PIP5K1B: variants seen among roughly 807,000 people sequenced by gnomAD.
PIP5K1B encodes the protein phosphatidylinositol 4-phosphate 5-kinase type-1 beta.
PIP5K1B carries 42 observed loss-of-function variants against 67.0 expected under a neutral mutation model. The ratio of observed to expected loss-of-function variants is 0.63; its 90% confidence interval spans 0.49 to 0.81. The LOEUF (loss-of-function observed/expected upper bound fraction) is 0.81, where lower values mean the gene tolerates loss of function less well. PIP5K1B is among the 30% of genes least tolerant of loss of function. PIP5K1B has a pLI of 0.00. For synonymous variants in PIP5K1B, 214 were observed against 231.4 expected, an observed-to-expected ratio of 0.92 and a Z score of 0.68; for missense variants, 459 against 646.3, an observed-to-expected ratio of 0.71 and a Z score of 3.14.
chr9:68,767,826 G>A (rs1308440205), intron 2 of PIP5K1B, among the ~76,000 whole-genome samples: 2 of 151,966 alleles, frequency 1.3e-5, no homozygotes, highest in Non-Finnish European at 2.9e-5. Flanking sequence ...GACTGTTTAA[G>A]TTTGTCAAAA....
chr9:68,828,509 A>G (rs892300904), intron 4 of PIP5K1B, among the ~76,000 whole-genome samples: 2 of 152,162 alleles, frequency 1.3e-5, no homozygotes, highest in African/African-American at 4.8e-5. Flanking sequence ...GCTTCATTCC[A>G]GTGTCTGAGA....
chr9:68,714,020 A>T (rs918713738), intron 1 of PIP5K1B, among the ~76,000 whole-genome samples: 3 of 152,254 alleles, frequency 2.0e-5, no homozygotes, highest in Admixed American at 2.0e-4. Flanking sequence ...CTGACTATGA[A>T]GCCCATACTC....
In PIP5K1B at chr9:68,719,274, TTGA is replaced by T. The variant is rs770700011; in HGVS notation, c.-243+13516_-243+13518del. On this transcript the variant is annotated intron_variant, in intron 1 of 15. Coordinates refer to ENST00000265382, the MANE Select transcript of PIP5K1B (RefSeq NM_003558.4). ...TCATTTAAGTTAAACATAGTGGCAA[TTGA>T]TGAGTATTTTGGTAACAGCTTTATT... 1.7e-4 allele frequency among the ~76,000 whole-genome samples: 26 copies of T among 152,220 alleles called. 1 individual carries two copies. The South Asian group carries it at 1.9e-3, about 11-fold the overall frequency.
intron 1 of PIP5K1B, among the ~76,000 whole-genome samples, chr9:68,733,928 G>C (rs1462181411): frequency 6.6e-6 from 1 of 152,016 alleles, no homozygotes; most frequent in Non-Finnish European, 1.5e-5. Flanking sequence ...GTGAGCCACT[G>C]TGCCCGGCAA....
At chr9:68,894,660 G>C (rs369838421) in intron 8 of PIP5K1B, 22 bp downstream of exon 8, 2 of 1,605,696 alleles carry the variant, frequency 1.2e-6, no homozygotes, top group Non-Finnish European at 1.7e-6. Context: ...TGATTGTTGT[G>C]ATTTCCTTTG....
intron 1 of PIP5K1B, among the ~76,000 whole-genome samples, chr9:68,712,386 C>G (rs1244342106): frequency 6.6e-6 from 1 of 152,190 alleles, no homozygotes; most frequent in Admixed American, 6.5e-5. Flanking sequence ...TTAGGTATTC[C>G]TTTATGGCAA....
chr9:68,786,981 T>A lies in PIP5K1B; in HGVS notation c.-85-31480T>A, dbSNP rs551735372. On this transcript the variant is annotated intron_variant, in intron 2 of 15. Transcript: ENST00000265382. The stretch of plus-strand genomic sequence containing the variant: ...GCAGATGTGAGATCACTCACAGCCA[T>A]GTCTACCTTCATGGAAAATGAGTCG... Among the ~76,000 whole-genome samples the A allele has an allele frequency of 3.3e-5, 5 of 152,320 alleles. No homozygotes were observed. In the South Asian group the frequency reaches 6.2e-4, roughly 19 times the overall value.
intron 15 of PIP5K1B, among the ~76,000 whole-genome samples, chr9:69,001,059 C>T (rs913654223): frequency 2.6e-5 from 4 of 151,900 alleles, no homozygotes; most frequent in African/African-American, 7.3e-5. Flanking sequence ...CCACCACACC[C>T]GGCTAATTTT....
chr9:68,933,228 T>C (rs970987859), intron 12 of PIP5K1B, among the ~76,000 whole-genome samples: 4 of 152,072 alleles, frequency 2.6e-5, no homozygotes, highest in Non-Finnish European at 5.9e-5. Context: ...CCTTGGCACA[T>C]GTATACCTAT....
rs148294739 is a variant in PIP5K1B, at chr9:68,932,745, TCTGAAAGGGTCTCAGAG to T, written c.1202-2144_1202-2128del. ...AAAATAATTTTAACATCACAGATCT[TCTGAAAGGGTCTCAGAG>T]ACCCCTTAGTTTCCACCCCACATCT... On this transcript the variant is annotated intron_variant, in intron 12 of 15. Coordinates refer to ENST00000265382, the MANE Select transcript of PIP5K1B (RefSeq NM_003558.4). Among the ~76,000 whole-genome samples, 774 of 152,276 alleles carry T rather than the reference TCTGAAAGGGTCTCAGAG, an allele frequency of 5.1e-3. 8 individuals are homozygous for T. Among genetic ancestry groups the T allele is most frequent in the African/African-American group, 0.017 (727 of 41,562 alleles).
chr9:68,901,460 T>A (rs1825348438), intron 8 of PIP5K1B, among the ~76,000 whole-genome samples: 1 of 152,146 alleles, frequency 6.6e-6, no homozygotes. Flanking sequence ...GGTTTCACCA[T>A]GTTGGCCAGG....
At chr9:68,918,991 C>T (rs957345792) in intron 9 of PIP5K1B, among the ~76,000 whole-genome samples, 2 of 152,002 alleles carry the variant, frequency 1.3e-5, no homozygotes, top group Admixed American at 6.6e-5. Flanking sequence ...ACTAGAAAAG[C>T]ATACCAGATA....
chr9:68,993,920 G>A (rs912504930), intron 15 of PIP5K1B, among the ~76,000 whole-genome samples: 29 of 151,982 alleles, frequency 1.9e-4, no homozygotes, highest in Non-Finnish European at 4.3e-4. Flanking sequence ...TAAGTCTCAC[G>A]TCCATCTCAT....
chr9:68,849,733 C>T (rs1313241265), intron 4 of PIP5K1B, among the ~76,000 whole-genome samples: 1 of 152,204 alleles, frequency 6.6e-6, no homozygotes, highest in East Asian at 1.9e-4. Context: ...AAGCCCCAAA[C>T]ACACACTAAA....
At chr9:68,823,982 G>A (rs1833857895) in intron 4 of PIP5K1B, 2 of 428,568 alleles carry the variant, frequency 4.7e-6, no homozygotes, top group African/African-American at 2.1e-5. Context: ...TCAAAGTGAT[G>A]GTGTGGTTGG....
intron 4 of PIP5K1B, among the ~76,000 whole-genome samples, chr9:68,826,633 T>G (rs917276091): frequency 6.6e-6 from 1 of 152,154 alleles, no homozygotes; most frequent in Non-Finnish European, 1.5e-5. Flanking sequence ...TGTAAGAACT[T>G]GTCTCTGCCT....
intron 8 of PIP5K1B, among the ~76,000 whole-genome samples, chr9:68,914,453 C>T (rs1282628890): frequency 6.6e-6 from 1 of 152,182 alleles, no homozygotes; most frequent in Non-Finnish European, 1.5e-5. Context: ...CAGTGGCTCA[C>T]GCCTGTAATC....
At chr9:68,831,874 G>A (rs540847059) in intron 4 of PIP5K1B, among the ~76,000 whole-genome samples, 5 of 152,030 alleles carry the variant, frequency 3.3e-5, no homozygotes, top group South Asian at 2.1e-4. Context: ...ACAGAGTTTC[G>A]CCATGTTGTC....
rs146301250 is a variant in PIP5K1B, at chr9:68,955,462, G to A, written c.1502+14672G>A. 1.3e-3 allele frequency among the ~76,000 whole-genome samples: 203 copies of A among 152,312 alleles called. 1 individual carries two copies. Among genetic ancestry groups the A allele is most frequent in the African/African-American group, 4.6e-3 (193 of 41,578 alleles). On this transcript the variant is annotated intron_variant, in intron 14 of 15. Transcript: ENST00000265382. Reference sequence around the variant, plus strand: ...TCATTTGTCCCGTGTGTCATTCTGTGGTTAAGACAGATTTAAAATTCATTT... The same window carrying A: ...TCATTTGTCCCGTGTGTCATTCTGTAGTTAAGACAGATTTAAAATTCATTT...
Sources: allele counts gnomAD v4.1 joint callset (sites outside exome capture counted in the v4.1 genomes callset), GRCh38; gene constraint gnomAD v4.1.1; transcripts MANE v1.5; gene names NCBI Gene and HGNC (gene_info 2026-07-23, HGNC 2026-07-21).